The following HMCN2 variants were observed in gnomAD, a reference collection of about 807,000 sequenced individuals.
HMCN2 encodes hemicentin-2.
A neutral mutation model predicts 377.5 loss-of-function variants in HMCN2; 325 were observed. The observed-to-expected ratio is 0.86, with a 90% CI of 0.79 to 0.94. HMCN2 has a LOEUF of 0.94. Among genes scored for constraint, HMCN2 ranks in the 40% least tolerant of loss-of-function variants. The pLI is 0.00. For synonymous variants in HMCN2, 2,007 were observed against 2,046.8 expected (o/e 0.98, Z 0.53); for missense variants, 4,543 against 4,725.3 (o/e 0.96, Z 1.13).
At chr9:130,331,575 G>C (rs1230631052) in intron 22 of HMCN2, among the ~76,000 whole-genome samples, 4 of 151,882 alleles carry the variant, frequency 2.6e-5, no homozygotes, top group Non-Finnish European at 1.5e-5. Flanking sequence ...CTTCACCCCA[G>C]CTCGCCCGGT....
intron 62 of HMCN2, among the ~76,000 whole-genome samples, chr9:130,389,877 TG>T (rs1446987942): frequency 3.9e-5 from 6 of 152,218 alleles, no homozygotes; most frequent in African/African-American, 1.4e-4. Flanking sequence ...GCCCAGCCAG[TG>T]CTTCCTTATT....
chr9:130,276,826 G>T (rs1834720835), intron 1 of HMCN2, among the ~76,000 whole-genome samples: 1 of 152,166 alleles, frequency 6.6e-6, no homozygotes, highest in Admixed American at 6.5e-5. Flanking sequence ...GCTGAGTCTT[G>T]GGGAGGGGAG....
At chr9:130,371,324 T>A (rs1841006580) in intron 46 of HMCN2, among the ~76,000 whole-genome samples, 193 bp downstream of exon 46, 1 of 152,014 alleles carries the variant, frequency 6.6e-6, no homozygotes, top group African/African-American at 2.4e-5. Flanking sequence ...ATATCATGGA[T>A]TTAGATAAAT....
intron 22 of HMCN2, among the ~76,000 whole-genome samples, chr9:130,333,919 G>A (rs1378771418): frequency 1.3e-5 from 2 of 152,114 alleles, no homozygotes; most frequent in African/African-American, 2.4e-5. Flanking sequence ...GAAATAAGAC[G>A]GATGTCCCCT....
In HMCN2 at chr9:130,355,732, T is replaced by G. The variant is rs1236370589; in HGVS notation, c.5147-14T>G. 2.3e-6 allele frequency: 3 copies of G among 1,291,946 alleles called. No individual in the cohort carries two copies. In the Admixed American group the frequency reaches 6.9e-5, roughly 30 times the overall value. The allele number at this position is 1,291,946 out of a possible 1,614,324, so 80.0% of individuals were successfully genotyped here. A position where few individuals can be genotyped will look rare whatever the true frequency, so the allele number is the denominator to read the frequency against. On this transcript the variant is annotated splice_polypyrimidine_tract_variant and intron_variant, in intron 32 of 97. Transcript: ENST00000683500. ...GCTCAGCTCCAAACACCCAGGAGTGTGTTCTGCCTGCAGTGCCCCCACAGC... is the reference window on the plus strand; with the variant it reads ...GCTCAGCTCCAAACACCCAGGAGTGGGTTCTGCCTGCAGTGCCCCCACAGC...
chr9:130,301,645 C>T (rs139746382), intron 8 of HMCN2, among the ~76,000 whole-genome samples: 2 of 152,256 alleles, frequency 1.3e-5, no homozygotes, highest in South Asian at 2.1e-4. Flanking sequence ...ACCCCTCCCC[C>T]CCCGGGACAG....
intron 22 of HMCN2, among the ~76,000 whole-genome samples, chr9:130,328,097 T>A (rs951582934): frequency 7.9e-5 from 12 of 152,286 alleles, no homozygotes; most frequent in African/African-American, 2.9e-4. Flanking sequence ...CTTTGAGATG[T>A]TCCAGACTCA....
rs1195356194 is a variant in HMCN2 at position 130,425,827 on chromosome 9, C to T, written c.13782C>T (p.Pro4594=). 1 of 1,550,530 alleles carries T rather than the reference C, an allele frequency of 6.4e-7. No homozygotes were observed. The highest frequency in any genetic ancestry group is 2.0e-5 in the Admixed American group (1 of 51,010). Residue 4594 remains proline, a synonymous_variant, in exon 90 of 98, where the codon CCC becomes CCT. Transcript: ENST00000683500. Reference sequence around the variant, plus strand: ...ACAACGCGGCCCGGGGCCCCCAGCCCCAGCTGGTGCAGCACCTGCGGGCCT... The same window carrying T: ...ACAACGCGGCCCGGGGCCCCCAGCCTCAGCTGGTGCAGCACCTGCGGGCCT... The part of the protein sequence containing the change: ...IQYNAARGPQ[P]QLVQHLRASA...
intron 86 of HMCN2, chr9:130,419,256 G>A: frequency 2.2e-6 from 1 of 454,364 alleles, no homozygotes; most frequent in Non-Finnish European, 3.8e-6. Context: ...ATCTTGGACA[G>A]GGAACACAGG....
Position 130,366,467 on chromosome 9 carries a change from A to ATTTTT in HMCN2, c.6625+494_6625+498dup, listed in dbSNP as rs71499234. ...AAAACATTTGGAATTCACTTCACCAATTTTTTTTTTTTTTTTTTTTTTTTT... is the reference window on the plus strand; with the variant it reads ...AAAACATTTGGAATTCACTTCACCAATTTTTTTTTTTTTTTTTTTTTTTTTTTTTT... On this transcript the variant is annotated intron_variant, in intron 43 of 97. Transcript: ENST00000683500. Among the ~76,000 whole-genome samples, 571 of 82,990 alleles carry ATTTTT rather than the reference A, an allele frequency of 6.9e-3. 77 individuals carry two copies. The highest frequency in any genetic ancestry group is 0.014 in the African/African-American group (313 of 21,636). The allele number at this position is 82,990 out of a possible 152,430, so 54.4% of individuals were successfully genotyped here.
intron 4 of HMCN2, among the ~76,000 whole-genome samples, chr9:130,286,817 G>A (rs1343239685): frequency 6.6e-6 from 1 of 152,204 alleles, no homozygotes; most frequent in Non-Finnish European, 1.5e-5. Flanking sequence ...ACAGTGCCGG[G>A]ATCTGCGTTC....
rs1841926500 is a variant in HMCN2 at position 130,384,782 on chromosome 9, G to T, written c.9090G>T (p.Val3030=). 5 of 1,303,292 alleles carry T rather than the reference G, an allele frequency of 3.8e-6. No individual in the cohort carries two copies. The highest frequency in any genetic ancestry group is 4.0e-6 in the Non-Finnish European group (4 of 988,858). The allele number at this position is 1,303,292 out of a possible 1,614,324, so 80.7% of individuals were successfully genotyped here. The change falls in exon 59 of 98, where the codon GTG becomes GTT. Residue 3030 remains valine, a synonymous_variant. Coordinates refer to ENST00000683500, the MANE Select transcript of HMCN2 (RefSeq NM_001291815.2). ...LNAAGRDQKL[V]QLSVLVPPAF... is the part of the protein sequence containing the mutation. ...CTGCCGGCCGAGACCAGAAGCTGGT[G>T]CAGCTCAGTGTTCTGGGTATGTCCA...
Position 130,427,530 on chromosome 9 carries a change from G to T in HMCN2, c.13976G>T (p.Cys4659Phe). The T allele has an allele frequency of 6.4e-7, 1 of 1,550,494 alleles. No individual in the cohort carries two copies. ...GAGTGCTCAGGAGGCCCTAGCCCCTGCTCCCATGCCTGCCTTAATGCACCC... is the reference window on the plus strand; with the variant it reads ...GAGTGCTCAGGAGGCCCTAGCCCCTTCTCCCATGCCTGCCTTAATGCACCC... ...RDECSGGPSP[C>F]SHACLNAPGR... The change falls in exon 92 of 98, where the codon TGC becomes TTC. Residue 4659 changes from cysteine (C) to phenylalanine (F), a missense_variant. Cys to Phe is a radical substitution (Grantham distance 205). Around this residue, in one of 5 missense-constraint regions of HMCN2, gnomAD observed 1,155 missense variants for 1,157.7 expected, o/e 1.00. Transcript: ENST00000683500.
At chr9:130,364,549 G>C (rs564904355) in intron 40 of HMCN2, among the ~76,000 whole-genome samples, 165 bp from the exon 41 acceptor site, 1 of 152,214 alleles carries the variant, frequency 6.6e-6, no homozygotes, top group South Asian at 2.1e-4. Flanking sequence ...TGTGGATATC[G>C]TGACAATTTT....
intron 1 of HMCN2, among the ~76,000 whole-genome samples, chr9:130,279,281 G>C (rs1834980244): frequency 6.6e-6 from 1 of 152,192 alleles, no homozygotes; most frequent in Non-Finnish European, 1.5e-5. Flanking sequence ...TGGAGGGGCT[G>C]TCTTCTCTTG....
At chr9:130,290,446 G>A (rs782382689) in intron 4 of HMCN2, among the ~76,000 whole-genome samples, 5 of 152,212 alleles carry the variant, frequency 3.3e-5, no homozygotes, top group East Asian at 3.8e-4. Flanking sequence ...ACACAGTAGC[G>A]GGTGTCACTC....
chr9:130,286,278 G>A lies in HMCN2; in HGVS notation c.580G>A (p.Val194Met), dbSNP rs1835407844. ...GATCGCTGCCACCAGCTCTGGGCAG[G>A]TGTTCCACCTGGACAAGCAGCAAGT... is the stretch of plus-strand genomic sequence containing the variant. The part of the protein sequence containing the change: ...EEIAATSSGQ[V>M]FHLDKQQVTE... Residue 194 changes from valine to methionine, a missense_variant, in exon 4 of 98, where the codon GTG (valine) becomes ATG (methionine). Around this residue, in one of 5 missense-constraint regions of HMCN2, gnomAD observed 547 missense variants for 189.9 expected, o/e 2.88. Transcript: ENST00000683500. The A allele has an allele frequency of 2.1e-6, 1 of 471,006 alleles. No individual in the cohort carries two copies. The highest frequency in any genetic ancestry group is 4.4e-6 in the Non-Finnish European group (1 of 227,070). The allele number at this position is 471,006 out of a possible 1,614,324, so 29.2% of individuals were successfully genotyped here.
At position 130,369,706 on chromosome 9, in the gene HMCN2, G is replaced by T; in HGVS notation, c.6924G>T (p.Val2308=). ...TVTWERDGQP[V]GAELGLQLQN... ...CATGGGAGCGGGACGGCCAGCCCGT[G>T]GGGGCTGAACTGGGCCTGCAGCTGC... The change falls in exon 45 of 98, where the codon GTG becomes GTT. Residue 2308 remains valine, a synonymous_variant. Coordinates refer to ENST00000683500, the MANE Select transcript of HMCN2 (RefSeq NM_001291815.2). This position sits in a 1 kb window ranked among gnomAD's most constrained non-coding sequence, Gnocchi z 4.5. The T allele has an allele frequency of 1.2e-5, 12 of 986,056 alleles. No homozygotes were observed. The highest frequency in any genetic ancestry group is 1.4e-5 in the Non-Finnish European group (12 of 830,080). The allele number at this position is 986,056 out of a possible 1,614,324, so 61.1% of individuals were successfully genotyped here. A position where few individuals can be genotyped will look rare whatever the true frequency, so the allele number is the denominator to read the frequency against.
chr9:130,396,188 A>G lies in HMCN2; in HGVS notation c.11073A>G (p.Ser3691=). The change falls in exon 73 of 98, where the codon TCA becomes TCG. Residue 3691 remains serine, a synonymous_variant. Transcript: ENST00000683500. ...VEIHTVPTIR[S]GPPAVNVSVN... is the part of the protein sequence containing the mutation. ...CCCCAGCGGTGCCCACCATCCGGTCAGGACCACCTGCAGTGAACGTCTCAG... is the reference window on the plus strand; with the variant it reads ...CCCCAGCGGTGCCCACCATCCGGTCGGGACCACCTGCAGTGAACGTCTCAG... The G allele has an allele frequency of 7.8e-7, 1 of 1,277,406 alleles. No individual in the cohort carries two copies. The highest frequency in any genetic ancestry group is 1.0e-6 in the Non-Finnish European group (1 of 979,858). 79.1% of individuals were successfully genotyped at this position (1,277,406 alleles called of 1,614,324 possible).
Sources: gnomAD v4.1 joint callset for allele counts (sites outside exome capture counted in the v4.1 genomes callset) on GRCh38, gnomAD v4.1.1 for gene constraint, gnomAD v4.1.1 regional missense constraint, Gnocchi (gnomAD v3.1) non-coding constraint, MANE v1.5 for transcripts, NCBI Gene and HGNC (gene_info 2026-07-23, HGNC 2026-07-21) for gene names.